PRKAR2A: variants seen among roughly 807,000 people sequenced by gnomAD.
The protein encoded by PRKAR2A is protein kinase cAMP-dependent type II regulatory subunit alpha, also known as cAMP-dependent protein kinase type II-alpha regulatory subunit.
In PRKAR2A, 29 loss-of-function variants were observed where a neutral mutation model predicts 51.9. That is an observed-to-expected ratio of 0.56 (90% CI 0.42 to 0.76). The LOEUF is 0.76. Among genes scored for constraint, PRKAR2A ranks in the 30% least tolerant of loss-of-function variants. PRKAR2A has a pLI of 0.00. For missense variants in PRKAR2A, 445 were observed against 512.1 expected, an observed-to-expected ratio of 0.87 and a Z score of 1.26; for synonymous variants, 178 against 186.2, an observed-to-expected ratio of 0.96 and a Z score of 0.36.
chr3:48,833,092 C>G (rs997014668), intron 1 of PRKAR2A, among the ~76,000 whole-genome samples: 1 of 152,162 alleles, frequency 6.6e-6, no homozygotes, highest in Non-Finnish European at 1.5e-5. Flanking sequence ...TGTATTAACA[C>G]TGGCGCAATC....
chr3:48,806,797 A>T (rs921162841), intron 2 of PRKAR2A, among the ~76,000 whole-genome samples: 3 of 151,698 alleles, frequency 2.0e-5, no homozygotes, highest in African/African-American at 7.3e-5. Flanking sequence ...TTTGAGACAG[A>T]GTCTCACTCT....
chr3:48,761,555 G>C (rs148321510), intron 8 of PRKAR2A, among the ~76,000 whole-genome samples: 1 of 152,240 alleles, frequency 6.6e-6, no homozygotes, highest in Non-Finnish European at 1.5e-5. Context: ...GATATACTGA[G>C]TTAAATGAAA....
chr3:48,824,510 C>A lies in PRKAR2A; in HGVS notation c.263-16826G>T, dbSNP rs541947236. 3.3e-5 allele frequency among the ~76,000 whole-genome samples: 5 copies of A among 149,952 alleles called. No individual in the cohort carries two copies. In the South Asian group the frequency reaches 8.4e-4, roughly 25 times the overall value. ...CAAACCTCAGGTGACATGAAATTTA[C>A]ACATGTAACAAACCTGTACATTCCA... On this transcript the variant is annotated intron_variant, in intron 1 of 10. Coordinates refer to ENST00000265563, the MANE Select transcript of PRKAR2A (RefSeq NM_004157.4).
At chr3:48,792,202 C>A (rs1029477041) in intron 3 of PRKAR2A, among the ~76,000 whole-genome samples, 1 of 150,916 alleles carries the variant, frequency 6.6e-6, no homozygotes, top group Admixed American at 6.6e-5. Flanking sequence ...AGTGCAGTGG[C>A]GCAATTCTGG....
At chr3:48,810,110 A>G (rs1441284547) in intron 1 of PRKAR2A, among the ~76,000 whole-genome samples, 1 of 152,124 alleles carries the variant, frequency 6.6e-6, no homozygotes, top group East Asian at 1.9e-4. Flanking sequence ...TAACATTGAG[A>G]AGGATAATTT....
At chr3:48,814,255 TAAA>T (rs879276206) in intron 1 of PRKAR2A, among the ~76,000 whole-genome samples, 2 of 141,728 alleles carry the variant, frequency 1.4e-5, no homozygotes, top group South Asian at 2.2e-4. Context: ...TCAAAAAGAT[TAAA>T]AAAAAAAAAA....
chr3:48,835,707 T>C (rs959178544), intron 1 of PRKAR2A, among the ~76,000 whole-genome samples: 1 of 148,942 alleles, frequency 6.7e-6, no homozygotes, highest in African/African-American at 2.5e-5. Context: ...GGAGAATTAC[T>C]GAACCCAGGA....
intron 5 of PRKAR2A, among the ~76,000 whole-genome samples, chr3:48,773,984 GCCACCACACCTGGCTAATAT>G (rs2082068811): frequency 6.6e-6 from 1 of 151,600 alleles, no homozygotes; most frequent in African/African-American, 2.4e-5. Context: ...ACAGACGTGT[GCCACCACACCTGGCTAATAT>G]TTTATTTTTG....
At chr3:48,792,025 T>A (rs1262331119) in intron 3 of PRKAR2A, among the ~76,000 whole-genome samples, 1 of 151,144 alleles carries the variant, frequency 6.6e-6, no homozygotes. Context: ...AATAAAAAAA[T>A]TACATGATTT....
At chr3:48,765,905 G>T (rs940575245) in intron 6 of PRKAR2A, among the ~76,000 whole-genome samples, 1 of 151,954 alleles carries the variant, frequency 6.6e-6, no homozygotes, top group African/African-American at 2.4e-5. Flanking sequence ...ATCTTAATGG[G>T]GAGATAATAT....
chr3:48,842,108 C>T (rs2083390058), intron 1 of PRKAR2A, among the ~76,000 whole-genome samples: 1 of 152,124 alleles, frequency 6.6e-6, no homozygotes, highest in African/African-American at 2.4e-5. Context: ...GTTTGTAGTT[C>T]TCCTTGAAGA....
chr3:48,819,606 A>G (rs1291430273), intron 1 of PRKAR2A, among the ~76,000 whole-genome samples: 1 of 152,208 alleles, frequency 6.6e-6, no homozygotes, highest in Admixed American at 6.5e-5. Context: ...CCATTATTTA[A>G]TTATGGATCC....
At chr3:48,824,102 G>C (rs968601144) in intron 1 of PRKAR2A, among the ~76,000 whole-genome samples, 1 of 152,000 alleles carries the variant, frequency 6.6e-6, no homozygotes, top group Non-Finnish European at 1.5e-5. Flanking sequence ...TTAGCCAGGC[G>C]TGGTGGCAGG....
intron 2 of PRKAR2A, among the ~76,000 whole-genome samples, chr3:48,804,723 G>A (rs927073616): frequency 2.0e-5 from 3 of 152,078 alleles, no homozygotes; most frequent in African/African-American, 7.2e-5. Flanking sequence ...ATTACCATTG[G>A]GAATGAGTGG....
intron 2 of PRKAR2A, among the ~76,000 whole-genome samples, chr3:48,803,708 G>T (rs2082626341): frequency 6.6e-6 from 1 of 152,142 alleles, no homozygotes; most frequent in Admixed American, 6.5e-5. Flanking sequence ...TTACAGGCGT[G>T]AGCCACCATG....
chr3:48,765,724 CA>C (rs756566818), intron 6 of PRKAR2A, among the ~76,000 whole-genome samples: 45 of 45,250 alleles, frequency 9.9e-4, no homozygotes, highest in South Asian at 3.6e-3. Flanking sequence ...ACCCTCATTT[CA>C]AAAAAAAAAA....
intron 2 of PRKAR2A, among the ~76,000 whole-genome samples, 189 bp from the exon 3 acceptor site, chr3:48,794,238 A>G (rs550539671): frequency 6.7e-6 from 1 of 148,190 alleles, no homozygotes; most frequent in East Asian, 2.0e-4. Context: ...TGCAACCTCC[A>G]TCTCCCAGGT....
chr3:48,757,045 T>C (rs1029833553), intron 8 of PRKAR2A, among the ~76,000 whole-genome samples: 14 of 152,092 alleles, frequency 9.2e-5, no homozygotes, highest in African/African-American at 3.4e-4. Context: ...CAGAGCCAAA[T>C]CACCATGAAG....
intron 1 of PRKAR2A, among the ~76,000 whole-genome samples, chr3:48,846,850 A>G (rs2083471478): frequency 6.6e-6 from 1 of 152,208 alleles, no homozygotes; most frequent in African/African-American, 2.4e-5. Flanking sequence ...GACAAACGCA[A>G]CTGTTAAATG....
Sources: allele counts gnomAD v4.1 joint callset (sites outside exome capture counted in the v4.1 genomes callset), GRCh38; gene constraint gnomAD v4.1.1; transcripts MANE v1.5; gene names NCBI Gene and HGNC (gene_info 2026-07-23, HGNC 2026-07-21).